PARD3B: variants seen among roughly 807,000 people sequenced by gnomAD.
PARD3B encodes par-3 family cell polarity regulator beta, also known as partitioning defective 3 homolog B.
PARD3B carries 103 observed loss-of-function variants against 130.2 expected under a neutral mutation model. The ratio of observed to expected loss-of-function variants is 0.79; its 90% CI spans 0.67 to 0.93. PARD3B has a LOEUF of 0.93. Ranked by LOEUF, PARD3B falls within the 40% of genes least tolerant of loss-of-function variation. The pLI is 0.00. For missense variants in PARD3B, 1,609 were observed against 1,499.2 expected (o/e 1.07, Z -1.21); for synonymous variants, 583 against 553.2 (o/e 1.05, Z -0.76).
rs187637788 is a variant in PARD3B at position 204,590,226 on chromosome 2, G to A, written c.120+44107G>A. ...GGGTGGAGAGCAGACAATGAGGAAG[G>A]TAGCTCTCTCCTGTCTCTTTTATAA... On this transcript the variant is annotated intron_variant, in intron 1 of 22. Coordinates refer to ENST00000406610, the MANE Select transcript of PARD3B (RefSeq NM_001302769.2). 1.9e-4 allele frequency among the ~76,000 whole-genome samples: 29 copies of A among 152,228 alleles called. No individual in the cohort carries two copies. The East Asian group carries it at 5.4e-3, about 28-fold the overall frequency.
chr2:205,014,798 G>T (rs1315679916), intron 3 of PARD3B, among the ~76,000 whole-genome samples: 1 of 152,074 alleles, frequency 6.6e-6, no homozygotes, highest in Non-Finnish European at 1.5e-5. Flanking sequence ...AGAGTATTCA[G>T]GAAACCCAGT....
chr2:204,929,583 A>T (rs1184626184), intron 2 of PARD3B, among the ~76,000 whole-genome samples: 1 of 152,082 alleles, frequency 6.6e-6, no homozygotes, highest in African/African-American at 2.4e-5. Flanking sequence ...AAGGCTGGGC[A>T]GCAATGTTTG....
At chr2:204,589,875 T>C (rs768643060) in intron 1 of PARD3B, among the ~76,000 whole-genome samples, 13 of 152,200 alleles carry the variant, frequency 8.5e-5, no homozygotes, top group Non-Finnish European at 1.6e-4. Context: ...CTTGTTTCAA[T>C]ACTTAAGACC....
Position 205,588,795 on chromosome 2 carries a change from T to C in PARD3B, c.3261-26661T>C, listed in dbSNP as rs115156984. ...GGGCTTTACTTGCTAGTCCATGTCA[T>C]GGCGGAGCTTCAGTTCTTAGGAAAT... is the stretch of plus-strand genomic sequence containing the variant. On this transcript the variant is annotated intron_variant, in intron 22 of 22. Transcript: ENST00000406610. Among the ~76,000 whole-genome samples the C allele has an allele frequency of 6.3e-3, 964 of 152,370 alleles. 8 individuals are homozygous for C. The highest frequency in any genetic ancestry group is 0.022 in the African/African-American group (899 of 41,588).
Position 204,842,409 on chromosome 2 carries a change from T to A in PARD3B, c.223-122743T>A, listed in dbSNP as rs2044289397. Among the ~76,000 whole-genome samples the A allele has an allele frequency of 2.0e-5, 3 of 152,046 alleles. No individual in the cohort carries two copies. In the South Asian group the frequency reaches 6.2e-4, roughly 31 times the overall value. On this transcript the variant is annotated intron_variant, in intron 2 of 22. Transcript: ENST00000406610. ...CTTTCATTTCCTTTAAAGAATAATA[T>A]TGTTTTTTTCAAATGAGGAGGATTA...
chr2:205,208,555 A>G (rs1432313043), intron 15 of PARD3B, among the ~76,000 whole-genome samples: 2 of 144,958 alleles, frequency 1.4e-5, no homozygotes, highest in Non-Finnish European at 1.5e-5. Flanking sequence ...AAAAATCACA[A>G]GCATTCTTAT....
chr2:205,024,158 C>CT (rs1696840162), intron 3 of PARD3B, among the ~76,000 whole-genome samples: 2 of 119,850 alleles, frequency 1.7e-5, no homozygotes, highest in South Asian at 3.2e-4. Context: ...CATTTTCTTT[C>CT]TTTCTTTTTT....
Position 205,193,197 on chromosome 2 carries a change from T to C in PARD3B, c.2025-8T>C. On this transcript the variant is annotated splice_region_variant and splice_polypyrimidine_tract_variant and intron_variant, in intron 14 of 22. Coordinates refer to ENST00000406610, the MANE Select transcript of PARD3B (RefSeq NM_001302769.2). ...AACCTAAATACAACATATGGCTTCC[T>C]TCCACAGCTCTGGGGTGGATTCAGC... 1 of 1,578,548 alleles carries C rather than the reference T, an allele frequency of 6.3e-7. No individual in the cohort carries two copies. The highest frequency in any genetic ancestry group is 1.1e-5 in the South Asian group (1 of 90,182).
chr2:205,257,194 C>A (rs1214370542), intron 16 of PARD3B, among the ~76,000 whole-genome samples: 1 of 152,090 alleles, frequency 6.6e-6, no homozygotes, highest in Non-Finnish European at 1.5e-5. Context: ...ATAAGCAATG[C>A]AGAATCATTC....
At chr2:205,151,651 A>AT (rs2125696481) in intron 10 of PARD3B, among the ~76,000 whole-genome samples, 1 of 152,106 alleles carries the variant, frequency 6.6e-6, no homozygotes, top group East Asian at 1.9e-4. Flanking sequence ...CCATCCCATT[A>AT]TTTTGAGCCT....
At chr2:205,027,785 T>C (rs1249356957) in intron 3 of PARD3B, among the ~76,000 whole-genome samples, 1 of 152,160 alleles carries the variant, frequency 6.6e-6, no homozygotes, top group Non-Finnish European at 1.5e-5. Context: ...TGCATGTGTA[T>C]ATTTGGTTCA....
At chr2:204,697,023 C>T (rs185746429) in intron 2 of PARD3B, among the ~76,000 whole-genome samples, 1 of 152,140 alleles carries the variant, frequency 6.6e-6, no homozygotes, top group Admixed American at 6.6e-5. Flanking sequence ...ACCAGAAAGA[C>T]TACAAAATAA....
At chr2:205,377,708 C>G (rs528014513) in intron 18 of PARD3B, among the ~76,000 whole-genome samples, 17 of 151,706 alleles carry the variant, frequency 1.1e-4, no homozygotes, top group African/African-American at 4.1e-4. Flanking sequence ...CACAGAACAT[C>G]AGGTCCCTCT....
rs1195170704 is a variant in PARD3B at position 205,091,978 on chromosome 2, A to G, written c.505-12448A>G. Among the ~76,000 whole-genome samples the G allele has an allele frequency of 6.6e-6, 1 of 152,096 alleles. No individual in the cohort carries two copies. Among genetic ancestry groups the G allele is most frequent in the African/African-American group, 2.4e-5 (1 of 41,406 alleles). Reference sequence around the variant, plus strand: ...CCTGTTATTTCTCATTTGATGATATAGTTTTGTTGAATAATGAGCGTTACC... The same window carrying G: ...CCTGTTATTTCTCATTTGATGATATGGTTTTGTTGAATAATGAGCGTTACC... On this transcript the variant is annotated intron_variant, in intron 4 of 22. Transcript: ENST00000406610. This position sits in a 1 kb window ranked among gnomAD's most constrained non-coding sequence, Gnocchi z 4.2.
At chr2:204,712,388 G>A (rs2038486721) in intron 2 of PARD3B, among the ~76,000 whole-genome samples, 1 of 151,956 alleles carries the variant, frequency 6.6e-6, no homozygotes, top group African/African-American at 2.4e-5. Flanking sequence ...TGAGACAGGT[G>A]GATCACAAGA....
intron 4 of PARD3B, among the ~76,000 whole-genome samples, chr2:205,090,321 A>C (rs1470030077): frequency 6.6e-6 from 1 of 152,224 alleles, no homozygotes; most frequent in Admixed American, 6.5e-5. Context: ...CATTTGGGAC[A>C]CTGTTTTGTT....
intron 2 of PARD3B, among the ~76,000 whole-genome samples, chr2:204,775,918 T>C (rs192119020): frequency 2.0e-4 from 30 of 152,272 alleles, no homozygotes; most frequent in Admixed American, 7.9e-4. Context: ...TTGGGAAAAG[T>C]TTTATGACAG....
chr2:204,562,494 G>C (rs974903036), intron 1 of PARD3B, among the ~76,000 whole-genome samples: 1 of 152,220 alleles, frequency 6.6e-6, no homozygotes, highest in Non-Finnish European at 1.5e-5. Flanking sequence ...TGAGACTTGT[G>C]TATGGCTAGT....
intron 20 of PARD3B, among the ~76,000 whole-genome samples, chr2:205,491,241 T>A (rs545224893): frequency 6.6e-6 from 1 of 152,316 alleles, no homozygotes; most frequent in East Asian, 1.9e-4. Flanking sequence ...TGGTTTTAAG[T>A]CTTAACATTT....
Sources: gnomAD v4.1 joint callset for allele counts (sites outside exome capture counted in the v4.1 genomes callset) on GRCh38, gnomAD v4.1.1 for gene constraint, Gnocchi (gnomAD v3.1) non-coding constraint, MANE v1.5 for transcripts, NCBI Gene and HGNC (gene_info 2026-07-23, HGNC 2026-07-21) for gene names.